Variants in SLC24A2 observed in about 807,000 individuals in gnomAD.
The protein encoded by SLC24A2 is sodium/potassium/calcium exchanger 2.
SLC24A2 carries 36 observed loss-of-function variants against 62.0 expected under a neutral mutation model. The observed-to-expected ratio is 0.58, with a 90% confidence interval of 0.44 to 0.77. The LOEUF is 0.77. SLC24A2 is among the 30% of genes least tolerant of loss of function. The probability of loss-of-function intolerance (pLI) is 0.00; values close to 1 mark genes in which losing one functional copy is unlikely to be tolerated. For synonymous variants in SLC24A2, 358 were observed against 294.0 expected (o/e 1.22, Z -2.23); for missense variants, 846 against 817.9 (o/e 1.03, Z -0.42).
chr9:20,013,517 T>G, the SLC24A2 span, among the ~76,000 whole-genome samples: 3 of 152,204 alleles, frequency 2.0e-5, no homozygotes, highest in Non-Finnish European at 2.9e-5. Context: ...GATATTTTGA[T>G]AAGACTTCAA....
chr9:20,132,483 A>G, the SLC24A2 span, among the ~76,000 whole-genome samples: 3 of 152,096 alleles, frequency 2.0e-5, no homozygotes, highest in Non-Finnish European at 4.4e-5. Context: ...GGGCCATGAT[A>G]CAGTTCGGAG....
chr9:19,823,932 T>C, the SLC24A2 span, among the ~76,000 whole-genome samples: 1 of 152,204 alleles, frequency 6.6e-6, no homozygotes, highest in Non-Finnish European at 1.5e-5. Flanking sequence ...AATGATTCCC[T>C]ATTTAATAAA....
the SLC24A2 span, among the ~76,000 whole-genome samples, chr9:19,874,153 C>T: frequency 1.4e-5 from 2 of 142,088 alleles, no homozygotes; most frequent in African/African-American, 2.6e-5. Flanking sequence ...GATCTTGGCT[C>T]ACTGCAACCT....
chr9:19,669,449 A>T (rs549136277), intron 2 of SLC24A2, among the ~76,000 whole-genome samples: 117 of 152,340 alleles, frequency 7.7e-4, no homozygotes, highest in Middle Eastern at 6.8e-3. Flanking sequence ...TTAGCTTTTT[A>T]AAATTGCTAC....
chr9:19,564,111 C>G (rs542690515), intron 7 of SLC24A2, among the ~76,000 whole-genome samples: 81 of 152,132 alleles, frequency 5.3e-4, no homozygotes, highest in African/African-American at 1.9e-3. Flanking sequence ...CTGCCTCGGC[C>G]TCCCAAAACT....
intron 4 of SLC24A2, among the ~76,000 whole-genome samples, chr9:19,610,984 A>G (rs1290046836): frequency 6.6e-6 from 1 of 152,254 alleles, no homozygotes; most frequent in African/African-American, 2.4e-5. Context: ...TACAACAAAT[A>G]CATACGTTCA....
intron 10 of SLC24A2, among the ~76,000 whole-genome samples, chr9:19,517,835 G>A (rs1387880849): frequency 2.0e-5 from 3 of 151,734 alleles, no homozygotes; most frequent in Non-Finnish European, 4.4e-5. Context: ...GAGAGCCATT[G>A]ACAGGGACTT....
At chr9:19,971,755 C>G in the SLC24A2 span, among the ~76,000 whole-genome samples, 1 of 152,112 alleles carries the variant, frequency 6.6e-6, no homozygotes, top group Non-Finnish European at 1.5e-5. Context: ...CATGTGATCA[C>G]TTTGGTAATG....
chr9:20,141,369 T>C, the SLC24A2 span, among the ~76,000 whole-genome samples: 2 of 152,036 alleles, frequency 1.3e-5, no homozygotes, highest in East Asian at 3.9e-4. Flanking sequence ...CCAAGACCAT[T>C]TGTGGTCGTC....
At chr9:19,665,696 G>C (rs1220276655) in intron 2 of SLC24A2, among the ~76,000 whole-genome samples, 1 of 152,064 alleles carries the variant, frequency 6.6e-6, no homozygotes, top group Admixed American at 6.5e-5. Flanking sequence ...CATGATCATG[G>C]CTCACTGCAG....
intron 7 of SLC24A2, among the ~76,000 whole-genome samples, chr9:19,553,101 C>A (rs539037860): frequency 6.6e-6 from 1 of 152,158 alleles, no homozygotes; most frequent in South Asian, 2.1e-4. Context: ...TGAGAGGTAC[C>A]CCAGGAGCAA....
At chr9:20,127,574 T>C in the SLC24A2 span, among the ~76,000 whole-genome samples, 837 of 152,270 alleles carry the variant, frequency 5.5e-3, 10 homozygotes, top group African/African-American at 0.019. Context: ...TGTGAGTCTG[T>C]TTCCTTCTCT....
the SLC24A2 span, among the ~76,000 whole-genome samples, chr9:19,900,028 T>C: frequency 1.3e-5 from 2 of 152,164 alleles, no homozygotes; most frequent in Non-Finnish European, 2.9e-5. Flanking sequence ...GAACCTTCAC[T>C]ACTTGAGGGG....
the SLC24A2 span, among the ~76,000 whole-genome samples, chr9:20,247,868 T>C: frequency 6.6e-6 from 1 of 152,244 alleles, no homozygotes; most frequent in Non-Finnish European, 1.5e-5. Flanking sequence ...CTAACCTCTA[T>C]GAGTCTTAGT....
At chr9:20,194,598 G>A in the SLC24A2 span, among the ~76,000 whole-genome samples, 5 of 152,052 alleles carry the variant, frequency 3.3e-5, no homozygotes, top group Admixed American at 2.0e-4. Context: ...TGAATATCAG[G>A]TAGCTTTATC....
chr9:20,128,844 A>G, the SLC24A2 span, among the ~76,000 whole-genome samples: 87 of 152,246 alleles, frequency 5.7e-4, no homozygotes, highest in African/African-American at 1.9e-3. Flanking sequence ...AACTCTTTGA[A>G]GAATATATAG....
At chr9:19,811,371 G>C in the SLC24A2 span, among the ~76,000 whole-genome samples, 124,515 of 152,208 alleles carry the variant, frequency 0.82, 52,149 homozygotes, top group Non-Finnish European at 0.92. Context: ...AAAATATTTG[G>C]AGTATTTATT....
intron 8 of SLC24A2, among the ~76,000 whole-genome samples, chr9:19,544,514 C>G (rs1203160569): frequency 6.6e-6 from 1 of 152,000 alleles, no homozygotes; most frequent in Admixed American, 6.5e-5. Flanking sequence ...GATGTTGTTT[C>G]TTTATAGTGT....
At chr9:19,525,117 C>A (rs903504319) in intron 9 of SLC24A2, among the ~76,000 whole-genome samples, 5 of 152,112 alleles carry the variant, frequency 3.3e-5, no homozygotes, top group African/African-American at 9.7e-5. Flanking sequence ...AAAATAATGA[C>A]TCCAAGGCAC....
Sources: gnomAD v4.1 joint callset for allele counts (sites outside exome capture counted in the v4.1 genomes callset) on GRCh38, gnomAD v4.1.1 for gene constraint, MANE v1.5 for transcripts, NCBI Gene and HGNC (gene_info 2026-07-23, HGNC 2026-07-21) for gene names.